IDI1: variants seen among roughly 807,000 people sequenced by gnomAD.
IDI1 encodes isopentenyl-diphosphate delta isomerase 1, also known as isopentenyl-diphosphate Delta-isomerase 1.
IDI1 carries 23 observed loss-of-function variants against 32.9 expected under a neutral mutation model. That is an observed-to-expected ratio of 0.70 (90% CI 0.50 to 0.99). The LOEUF is 0.99. Ranked by LOEUF, IDI1 falls within the 50% of genes least tolerant of loss-of-function variation. The pLI, the probability that IDI1 is intolerant of heterozygous loss-of-function variation, is 0.00. For synonymous variants in IDI1, 133 were observed against 128.2 expected, an observed-to-expected ratio of 1.04 and a Z score of -0.25; for missense variants, 326 against 351.9, an observed-to-expected ratio of 0.93 and a Z score of 0.59.
chr10:1,054,702 A>G, the IDI1 span, among the ~76,000 whole-genome samples: 2 of 152,234 alleles, frequency 1.3e-5, no homozygotes, highest in African/African-American at 4.8e-5. Flanking sequence ...TTCAGGATAC[A>G]GTGTGTTATG....
At chr10:1,047,716 A>G (rs560284250) in intron 1 of IDI1, among the ~76,000 whole-genome samples, 14 of 152,292 alleles carry the variant, frequency 9.2e-5, no homozygotes, top group Non-Finnish European at 1.9e-4. Flanking sequence ...AAAGTACCTA[A>G]CAATGAACTT....
chr10:1,053,947 G>T (rs1564491457), upstream of IDI1, among the ~76,000 whole-genome samples: 1 of 152,148 alleles, frequency 6.6e-6, no homozygotes, highest in African/African-American at 2.4e-5. Context: ...CTGAGCAGAA[G>T]GAGAGAGATA....
At chr10:1,039,181 G>T (rs1018131707), downstream of IDI1, 1 of 143,258 alleles carries the variant, frequency 7.0e-6, no homozygotes, top group Non-Finnish European at 1.5e-5. Context: ...CGCACTGCGG[G>T]TACGACCTGG....
chr10:1,052,326 C>T (rs1312736719), upstream of IDI1, among the ~76,000 whole-genome samples: 1 of 152,238 alleles, frequency 6.6e-6, no homozygotes, highest in Non-Finnish European at 1.5e-5. Flanking sequence ...TTTCTTTGTT[C>T]ATCCACAAGA....
chr10:1,040,070 G>A lies in IDI1; in HGVS notation c.*1117C>T, dbSNP rs570685149. On this transcript the variant is annotated 3_prime_UTR_variant, in exon 5 of 5. Coordinates refer to ENST00000381344, the MANE Select transcript of IDI1 (RefSeq NM_004508.4). ...TTTTATTTTTCTTCATTATCATACA[G>A]CATTTAAGAATAATAAATCTGTCTT... 36 of 152,224 alleles carry A rather than the reference G, an allele frequency of 2.4e-4. No individual in the cohort carries two copies. The highest frequency in any genetic ancestry group is 1.8e-3 in the Admixed American group (27 of 15,284). 9.4% of individuals were successfully genotyped at this position (152,224 alleles called of 1,614,324 possible).
chr10:1,053,591 T>C (rs1053921988), upstream of IDI1, among the ~76,000 whole-genome samples: 1 of 152,246 alleles, frequency 6.6e-6, no homozygotes, highest in African/African-American at 2.4e-5. Flanking sequence ...AACTTTTCCT[T>C]TGCATTCACG....
At chr10:1,055,458 A>G in the IDI1 span, among the ~76,000 whole-genome samples, 1 of 152,190 alleles carries the variant, frequency 6.6e-6, no homozygotes, top group East Asian at 1.9e-4. Flanking sequence ...GAAAAATAAA[A>G]CCACCTGTTA....
rs1832498217 is a variant in IDI1, at chr10:1,039,845, A to T, written c.*1342T>A. On this transcript the variant is annotated 3_prime_UTR_variant, in exon 5 of 5. Transcript: ENST00000381344. ...AAATTAGAAACAATATTATAAATGC[A>T]ACGGAAACTATACAGGCAATATCCT... The T allele has an allele frequency of 6.6e-6, 1 of 152,240 alleles. No individual in the cohort carries two copies. The highest frequency in any genetic ancestry group is 2.4e-5 in the African/African-American group (1 of 41,466). The allele number at this position is 152,240 out of a possible 1,614,324, so 9.4% of individuals were successfully genotyped here. A position where few individuals can be genotyped will look rare whatever the true frequency, so the allele number is the denominator to read the frequency against.
At chr10:1,045,055 A>C (rs986171159) in intron 1 of IDI1, among the ~76,000 whole-genome samples, 8 of 152,282 alleles carry the variant, frequency 5.3e-5, no homozygotes, top group African/African-American at 1.7e-4. Flanking sequence ...ATCCGTTTAA[A>C]TATGAGAAAA....
Position 1,039,492 on chromosome 10 carries a change from AG to A in IDI1, c.*1694del, listed in dbSNP as rs1444557094. ...ACAGTTTAAGAAAAAAAAAATTTAT[AG>A]GTACCATTTAGCTTTCTAGTTGAAA... is the stretch of plus-strand genomic sequence containing the variant. On this transcript the variant is annotated 3_prime_UTR_variant, in exon 5 of 5. Coordinates refer to ENST00000381344, the MANE Select transcript of IDI1 (RefSeq NM_004508.4). The A allele has an allele frequency of 1.8e-4, 27 of 152,382 alleles. No individual in the cohort carries two copies. Among genetic ancestry groups the A allele is most frequent in the African/African-American group, 6.3e-4 (26 of 41,578 alleles). The allele number at this position is 152,382 out of a possible 1,614,324, so 9.4% of individuals were successfully genotyped here. A position where few individuals can be genotyped will look rare whatever the true frequency, so the allele number is the denominator to read the frequency against.
At chr10:1,046,036 G>A (rs984725386) in intron 1 of IDI1, among the ~76,000 whole-genome samples, 3 of 152,210 alleles carry the variant, frequency 2.0e-5, no homozygotes, top group Non-Finnish European at 4.4e-5. Flanking sequence ...CTCAATTTTA[G>A]AAAGATTTCC....
rs750432879 is a variant in IDI1 at position 1,041,455 on chromosome 10, T to C, written c.587A>G (p.Gln196Arg). The C allele has an allele frequency of 7.5e-6, 12 of 1,607,622 alleles. No homozygotes were observed. In the African/African-American group the frequency reaches 1.2e-4, roughly 16 times the overall value. The change falls in exon 5 of 5, where the codon CAG becomes CGG. Residue 196 changes from glutamine (Q) to arginine (R), a missense_variant. Transcript: ENST00000381344. ...NYLTRIHYKAQSDGIWGEHEI... is the reference protein window; with the variant it reads ...NYLTRIHYKARSDGIWGEHEI... ...ATGTTCACCCCAGATACCATCAGACTGAGCTTTGTAGTGAATTCGTGTTAA... is the reference window on the plus strand; with the variant it reads ...ATGTTCACCCCAGATACCATCAGACCGAGCTTTGTAGTGAATTCGTGTTAA...
chr10:1,050,147 CTGT>C (rs997549527), upstream of IDI1, among the ~76,000 whole-genome samples: 4 of 152,196 alleles, frequency 2.6e-5, no homozygotes, highest in African/African-American at 9.7e-5. Flanking sequence ...CTTTTGCTCA[CTGT>C]TGTTTACTAC....
intron 1 of IDI1, among the ~76,000 whole-genome samples, chr10:1,046,032 T>C (rs1235987562): frequency 6.6e-6 from 1 of 152,222 alleles, no homozygotes; most frequent in Non-Finnish European, 1.5e-5. Context: ...TAGCCTCAAT[T>C]TTAGAAAGAT....
chr10:1,050,706 A>G (rs1832986777), upstream of IDI1, among the ~76,000 whole-genome samples: 1 of 152,182 alleles, frequency 6.6e-6, no homozygotes, highest in South Asian at 2.1e-4. Context: ...GGCCACTCAC[A>G]CACCCACACT....
the IDI1 span, among the ~76,000 whole-genome samples, chr10:1,054,882 G>A: frequency 6.6e-6 from 1 of 152,198 alleles, no homozygotes; most frequent in African/African-American, 2.4e-5. Flanking sequence ...CTCATAAAAA[G>A]AACGCTAAGT....
At chr10:1,049,182 G>T, upstream of IDI1, 2 of 1,074,712 alleles carry the variant, frequency 1.9e-6, no homozygotes, top group Non-Finnish European at 2.5e-6. Context: ...CAGTTCCGCA[G>T]AGGCAGCGTC....
At chr10:1,042,532 C>T (rs1340805969) in intron 4 of IDI1, 100 bp downstream of exon 4, 5 of 1,158,462 alleles carry the variant, frequency 4.3e-6, no homozygotes, top group Non-Finnish European at 6.4e-6. Flanking sequence ...CCGGAGGTTA[C>T]CAAGCAGAGA....
At chr10:1,047,813 T>A (rs548587431) in intron 1 of IDI1, among the ~76,000 whole-genome samples, 1 of 152,346 alleles carries the variant, frequency 6.6e-6, no homozygotes, top group South Asian at 2.1e-4. Flanking sequence ...AACATGTAAA[T>A]CCTACATAAA....
Sources: allele counts gnomAD v4.1 joint callset (sites outside exome capture counted in the v4.1 genomes callset), GRCh38; gene constraint gnomAD v4.1.1; transcripts MANE v1.5; gene names NCBI Gene and HGNC (gene_info 2026-07-23, HGNC 2026-07-21).